The following CD163L1 variants were observed in gnomAD, a reference collection of about 807,000 sequenced individuals.
CD163L1 encodes scavenger receptor cysteine-rich type 1 protein M160.
In CD163L1, 124 loss-of-function variants were observed where a neutral mutation model predicts 165.4. The observed-to-expected ratio is 0.75, with a 90% CI of 0.65 to 0.87. The LOEUF is 0.87. CD163L1 is among the 40% of genes least tolerant of loss of function. The pLI is 0.00. For missense variants in CD163L1, 1,525 were observed against 1,799.9 expected, an observed-to-expected ratio of 0.85 and a Z score of 2.76; for synonymous variants, 585 against 662.2, an observed-to-expected ratio of 0.88 and a Z score of 1.79.
chr12:7,346,475 T>A (rs1946670970), downstream of CD163L1, among the ~76,000 whole-genome samples: 1 of 152,160 alleles, frequency 6.6e-6, no homozygotes, highest in Admixed American at 6.5e-5. Context: ...TTTCTTTTAC[T>A]CTTTTTTTTC....
Position 7,374,689 on chromosome 12 carries a change from G to C in CD163L1, c.3162C>G (p.Asp1054Glu), listed in dbSNP as rs752045465. ...RCAGRVEIYHDGFWGTICDDG... is the reference protein window; with the variant it reads ...RCAGRVEIYHEGFWGTICDDG... ...CATCACAGATGGTGCCCCAGAAGCC[G>C]TCGTGATAGATCTCTACTCTCCCGG... Residue 1054 changes from aspartate to glutamate, a missense_variant, in exon 13 of 20, where the codon GAC (aspartate) becomes GAG (glutamate). Coordinates refer to ENST00000313599, the MANE Select transcript of CD163L1 (RefSeq NM_174941.6). This position sits in a 1 kb window ranked among gnomAD's most constrained non-coding sequence, Gnocchi z 5.4. The C allele has an allele frequency of 1.1e-5, 18 of 1,614,118 alleles. No homozygotes were observed. The Admixed American group carries it at 3.0e-4, about 27-fold the overall frequency.
chr12:7,390,313 A>G (rs1369804095), intron 8 of CD163L1, among the ~76,000 whole-genome samples: 1 of 152,124 alleles, frequency 6.6e-6, no homozygotes, highest in Non-Finnish European at 1.5e-5. Flanking sequence ...TAGTTAAAAA[A>G]CAATATATTG....
chr12:7,371,585 C>T (rs1456423763), intron 14 of CD163L1, among the ~76,000 whole-genome samples: 1 of 151,376 alleles, frequency 6.6e-6, no homozygotes, highest in East Asian at 1.9e-4. Flanking sequence ...AGTTGAAATC[C>T]AAAATTTCAG....
the CD163L1 span, chr12:7,320,667 T>C: frequency 7.1e-7 from 1 of 1,409,354 alleles, no homozygotes; most frequent in Non-Finnish European, 1.0e-6. Context: ...AGATATCAGC[T>C]CTAGTCATGG....
rs541553898 is a variant in CD163L1 at position 7,430,231 on chromosome 12, T to C, written c.766+2185A>G. The stretch of plus-strand genomic sequence containing the variant: ...CTGTAGATGTTTGTAGAAGAAAAAA[T>C]AGAAGAAATTAGAAGACTTTACAGA... On this transcript the variant is annotated intron_variant, in intron 4 of 19. Coordinates refer to ENST00000313599, the MANE Select transcript of CD163L1 (RefSeq NM_174941.6). 1.6e-4 allele frequency among the ~76,000 whole-genome samples: 24 copies of C among 152,078 alleles called. 1 individual carries two copies. The highest frequency in any genetic ancestry group is 1.9e-4 in the East Asian group (1 of 5,194).
At chr12:7,426,984 G>A (rs980683345) in intron 4 of CD163L1, among the ~76,000 whole-genome samples, 1 of 151,880 alleles carries the variant, frequency 6.6e-6, no homozygotes, top group African/African-American at 2.4e-5. Context: ...ATGATAAAGG[G>A]GTTAATTCAT....
chr12:7,336,463 A>T, the CD163L1 span, among the ~76,000 whole-genome samples: 1 of 152,126 alleles, frequency 6.6e-6, no homozygotes, highest in Admixed American at 6.6e-5. Flanking sequence ...AACAATGAGA[A>T]CACATGGACA....
At chr12:7,362,233 ATATT>A (rs1252962480) in intron 18 of CD163L1, among the ~76,000 whole-genome samples, 1 of 143,862 alleles carries the variant, frequency 7.0e-6, no homozygotes, top group Non-Finnish European at 1.5e-5. Flanking sequence ...TTTATATTAT[ATATT>A]ACTTATGTTA....
At chr12:7,326,948 G>A in the CD163L1 span, 3 of 1,567,676 alleles carry the variant, frequency 1.9e-6, no homozygotes, top group Non-Finnish European at 2.6e-6. Context: ...AAACAAATGA[G>A]CAAGATAAAT....
chr12:7,406,700 T>C lies in CD163L1; in HGVS notation c.919A>G (p.Thr307Ala). Residue 307 changes from threonine to alanine, a missense_variant, in exon 5 of 20, where the codon ACC (threonine) becomes GCC (alanine). Thr to Ala is a moderately conservative substitution (Grantham distance 58). Coordinates refer to ENST00000313599, the MANE Select transcript of CD163L1 (RefSeq NM_174941.6). ...DVVCKQLGCG[T>A]ALHFAGLPHL... ...GGCAAGCCAGCGAAGTGAAGTGCGG[T>C]TCCACATCCCAACTGCTTGCATACG... 2 of 1,613,984 alleles carry C rather than the reference T, an allele frequency of 1.2e-6. No individual in the cohort carries two copies. The highest frequency in any genetic ancestry group is 8.5e-7 in the Non-Finnish European group (1 of 1,179,982).
At chr12:7,421,418 T>C (rs1281584251) in intron 4 of CD163L1, among the ~76,000 whole-genome samples, 2 of 125,090 alleles carry the variant, frequency 1.6e-5, no homozygotes, top group African/African-American at 3.1e-5. Context: ...CAAATGTATA[T>C]ATACATATAT....
intron 14 of CD163L1, 121 bp downstream of exon 14, chr12:7,373,199 C>T (rs10845007): frequency 0.84 from 667,716 of 796,102 alleles, 281,168 homozygotes; most frequent in African/African-American, 0.89. Flanking sequence ...TAAATCAGCA[C>T]TTATTGTCAT....
In CD163L1 at chr12:7,368,246, T is replaced by G; in HGVS notation, c.4073-49A>C. ...AAGTATTAAACTAGTAGATATCAAT[T>G]GTGGGTTTATACATTGTAAAAAAAA... On this transcript the variant is annotated intron_variant, in intron 16 of 19. Transcript: ENST00000313599. This position sits in a 1 kb window ranked among gnomAD's most constrained non-coding sequence, Gnocchi z 4.3. The G allele has an allele frequency of 9.4e-7, 1 of 1,063,566 alleles. No homozygotes were observed. The highest frequency in any genetic ancestry group is 1.4e-6 in the Non-Finnish European group (1 of 695,974). The allele number at this position is 1,063,566 out of a possible 1,614,324, so 65.9% of individuals were successfully genotyped here.
chr12:7,381,249 AG>A (rs1947401627), intron 8 of CD163L1, among the ~76,000 whole-genome samples: 1 of 152,164 alleles, frequency 6.6e-6, no homozygotes, highest in African/African-American at 2.4e-5. Context: ...AACCTGACCA[AG>A]TTACTTCCTA....
intron 4 of CD163L1, among the ~76,000 whole-genome samples, chr12:7,427,342 G>T (rs180816797): frequency 1.2e-4 from 19 of 152,120 alleles, no homozygotes; most frequent in African/African-American, 4.6e-4. Flanking sequence ...AAAACCAGAA[G>T]TCATTGATAA....
Position 7,406,560 on chromosome 12 carries a change from A to T in CD163L1, c.1059T>A (p.His353Gln). ...AGCAGATCACAGACACATCGTTTTG[A>T]TGAAGACAGTCAAAATTGACGGTTC... ...HSGTVNFDCL[H>Q]QNDVSVICSD... The change falls in exon 5 of 20, where the codon CAT (histidine) becomes CAA (glutamine). Residue 353 changes from histidine to glutamine, a missense_variant. His to Gln is a conservative substitution (Grantham distance 24, BLOSUM62 0). Coordinates refer to ENST00000313599, the MANE Select transcript of CD163L1 (RefSeq NM_174941.6). 1.9e-6 allele frequency: 3 copies of T among 1,614,078 alleles called. No individual in the cohort carries two copies. Among genetic ancestry groups the T allele is most frequent in the Non-Finnish European group, 2.5e-6 (3 of 1,179,986 alleles).
chr12:7,430,778 T>C (rs990164210), intron 4 of CD163L1, among the ~76,000 whole-genome samples: 5 of 151,862 alleles, frequency 3.3e-5, no homozygotes, highest in African/African-American at 7.3e-5. Flanking sequence ...CCAAGAGAAA[T>C]GAAGGAGGAA....
chr12:7,320,519 T>C, the CD163L1 span, among the ~76,000 whole-genome samples: 15 of 152,246 alleles, frequency 9.9e-5, no homozygotes, highest in African/African-American at 3.6e-4. Context: ...GTAATATTAA[T>C]ATATATACAT....
At chr12:7,428,946 T>C (rs1360176606) in intron 4 of CD163L1, among the ~76,000 whole-genome samples, 1 of 152,040 alleles carries the variant, frequency 6.6e-6, no homozygotes, top group Non-Finnish European at 1.5e-5. Flanking sequence ...AAAATATAAA[T>C]AACAAATTAT....
Sources: gnomAD v4.1 joint callset for allele counts (sites outside exome capture counted in the v4.1 genomes callset) on GRCh38, gnomAD v4.1.1 for gene constraint, Gnocchi (gnomAD v3.1) non-coding constraint, MANE v1.5 for transcripts, NCBI Gene and HGNC (gene_info 2026-07-23, HGNC 2026-07-21) for gene names.